The following TNXB variants were observed in gnomAD, a reference collection of about 807,000 sequenced individuals.
The protein encoded by TNXB is tenascin XB.
A neutral mutation model predicts 340.5 loss-of-function variants in TNXB; 183 were observed. That is an observed-to-expected ratio of 0.54 (90% CI 0.48 to 0.61). The LOEUF is 0.61. TNXB is among the 20% of genes least tolerant of loss of function. TNXB has a pLI of 0.00. For missense variants in TNXB, 4,613 were observed against 5,446.4 expected, an observed-to-expected ratio of 0.85 and a Z score of 4.82; for synonymous variants, 2,121 against 2,314.5, an observed-to-expected ratio of 0.92 and a Z score of 2.40.
rs201624002 is a variant in TNXB, at chr6:32,084,405, T to C, written c.3445+8A>G. The C allele has an allele frequency of 2.6e-3, 4,064 of 1,578,870 alleles. 21 individuals carry two copies. Among genetic ancestry groups the C allele is most frequent in the Non-Finnish European group, 2.4e-3 (2,809 of 1,158,848 alleles). On this transcript the variant is annotated splice_region_variant and intron_variant, in intron 8 of 43. Transcript: ENST00000644971. The surrounding 1 kb of genome is among the most constrained non-coding windows in gnomAD (Gnocchi z 5.5). ...TACAGAGGGCAGGGTGTTACTGCTG[T>C]CACTCACAGATCTTGGCTTCAGCCA...
chr6:32,077,493 T>C (rs1779142661), intron 11 of TNXB, among the ~76,000 whole-genome samples: 1 of 152,258 alleles, frequency 6.6e-6, no homozygotes, highest in Non-Finnish European at 1.5e-5. Context: ...GAAAGGTGTG[T>C]CTTTGTTTCT....
rs748032783 is a variant in TNXB, at chr6:32,086,057, C to T, written c.2841G>A (p.Thr947=). ...GGAGAGGAGCCTGGGCCCCTTGCGT[C>T]GTCGAGGGGCCTGAGGGAGGAGGCT... ...TDEPPPSGPS[T]TQGAQAPLLQ... Residue 947 remains threonine (T), a synonymous_variant, in exon 7 of 44, where the codon ACG becomes ACA. Coordinates refer to ENST00000644971, the MANE Select transcript of TNXB (RefSeq NM_001365276.2). 17 of 1,592,858 alleles carry T rather than the reference C, an allele frequency of 1.1e-5. No individual in the cohort carries two copies. The highest frequency in any genetic ancestry group is 9.0e-5 in the East Asian group (4 of 44,310).
Position 32,068,361 on chromosome 6 carries a change from C to T in TNXB, c.6220+29G>A. The T allele has an allele frequency of 2.5e-6, 4 of 1,608,766 alleles. No individual in the cohort carries two copies. Among genetic ancestry groups the T allele is most frequent in the Non-Finnish European group, 3.4e-6 (4 of 1,176,604 alleles). On this transcript the variant is annotated intron_variant, in intron 17 of 43. Coordinates refer to ENST00000644971, the MANE Select transcript of TNXB (RefSeq NM_001365276.2). This position sits in a 1 kb window ranked among gnomAD's most constrained non-coding sequence, Gnocchi z 5.3. ...CAAGAGGGTGACCCTCCCATGGCTC[C>T]CACCCTGGGGCTCCCATCATCCACT...
At chr6:32,057,196 G>A (rs1471994780) in intron 22 of TNXB, among the ~76,000 whole-genome samples, 2 of 151,746 alleles carry the variant, frequency 1.3e-5, no homozygotes, top group Non-Finnish European at 2.9e-5. Context: ...CTGCACCCCT[G>A]GCCTCCCAGC....
chr6:32,044,837 GCAGC>G (rs1249574707), intron 32 of TNXB, 121 bp from the exon 33 acceptor site: 1 of 674,898 alleles, frequency 1.5e-6, no homozygotes, highest in African/African-American at 2.0e-5. Context: ...CCAGGGACTT[GCAGC>G]CACAGGGGGG....
chr6:32,049,184 G>T lies in TNXB; in HGVS notation c.9757+86C>A. On this transcript the variant is annotated intron_variant, in intron 28 of 43. Transcript: ENST00000644971. The surrounding 1 kb of genome is among the most constrained non-coding windows in gnomAD (Gnocchi z 4.5). ...GAAAAGACAGAAACCTAGAGGCCCA[G>T]TCAAAAGAGGTGCCAAGATCCAAAG... 6.8e-7 allele frequency: 1 copy of T among 1,471,774 alleles called. No homozygotes were observed. Among genetic ancestry groups the T allele is most frequent in the Non-Finnish European group, 9.0e-7 (1 of 1,108,378 alleles). The allele number at this position is 1,471,774 out of a possible 1,614,324, so 91.2% of individuals were successfully genotyped here. A position where few individuals can be genotyped will look rare whatever the true frequency, so the allele number is the denominator to read the frequency against.
At position 32,068,699 on chromosome 6, in the gene TNXB, C is replaced by T. The variant is rs1388279498; in HGVS notation, c.5911G>A (p.Glu1971Lys). 1.2e-6 allele frequency: 2 copies of T among 1,613,324 alleles called. No homozygotes were observed. The highest frequency in any genetic ancestry group is 1.7e-6 in the Non-Finnish European group (2 of 1,179,456). Reference sequence around the variant, plus strand: ...GTGGGAGGTTCTGAAGGCTTCTCCTCCTCCGGGACTGGACAGAGACATGGA... The same window carrying T: ...GTGGGAGGTTCTGAAGGCTTCTCCTTCTCCGGGACTGGACAGAGACATGGA... The part of the protein sequence containing the change: ...VHVEALTVPE[E>K]EKPSEPPTAT... Residue 1971 changes from glutamate (E) to lysine (K), a missense_variant, in exon 17 of 44, where the codon GAG becomes AAG. Coordinates refer to ENST00000644971, the MANE Select transcript of TNXB (RefSeq NM_001365276.2). The surrounding 1 kb of genome is among the most constrained non-coding windows in gnomAD (Gnocchi z 5.3).
intron 18 of TNXB, among the ~76,000 whole-genome samples, chr6:32,066,399 AAATCAATC>A (rs146024056): frequency 7.9e-5 from 12 of 152,074 alleles, no homozygotes; most frequent in East Asian, 1.9e-4. Flanking sequence ...GTCTCAAAAA[AAATCAATC>A]AATCAATCAA....
At chr6:32,063,222 T>C (rs1179886505) in intron 19 of TNXB, among the ~76,000 whole-genome samples, 1 of 151,826 alleles carries the variant, frequency 6.6e-6, no homozygotes, top group African/African-American at 2.4e-5. Context: ...ATCCTGTCTG[T>C]ACTAAAAATA....
At chr6:32,094,343 C>CT (rs1415593722) in intron 4 of TNXB, among the ~76,000 whole-genome samples, 1 of 151,510 alleles carries the variant, frequency 6.6e-6, no homozygotes, top group Non-Finnish European at 1.5e-5. Context: ...TTCCTTCCAT[C>CT]TTTTTTCCCT....
In TNXB at chr6:32,082,195, A is replaced by G; in HGVS notation, c.3577T>C (p.Tyr1193His). ...EGQFDTFMVQ[Y>H]RDRDGRPQVV... is the part of the protein sequence containing the mutation. Reference sequence around the variant, plus strand: ...TGGGGCCGTCCATCCCTGTCCCTGTACTGGACCATGAAGGTGTCAAACTGG... The same window carrying G: ...TGGGGCCGTCCATCCCTGTCCCTGTGCTGGACCATGAAGGTGTCAAACTGG... The change falls in exon 9 of 44, where the codon TAC becomes CAC. Residue 1193 changes from tyrosine to histidine, a missense_variant. Physicochemically the swap from Tyr to His is moderately conservative, Grantham distance 83. Around this residue, in one of 7 missense-constraint regions of TNXB, gnomAD observed 4,327 missense variants for 4,859.4 expected, o/e 0.89. Transcript: ENST00000644971. The surrounding 1 kb of genome is among the most constrained non-coding windows in gnomAD (Gnocchi z 5.0). The G allele has an allele frequency of 6.2e-7, 1 of 1,612,516 alleles. No individual in the cohort carries two copies.
In TNXB at chr6:32,079,138, C is replaced by T. The variant is rs747190024; in HGVS notation, c.4270G>A (p.Glu1424Lys). 6.2e-7 allele frequency: 1 copy of T among 1,613,860 alleles called. No homozygotes were observed. ...GGCTCTAGGCCTCCCACGGTGACCT[C>T]ACTCTCCTTGCCCCCAACACGCACC... ...RAVRVGGKES[E>K]VTVGGLEPGH... is the part of the protein sequence containing the mutation. Residue 1424 changes from glutamate (E) to lysine (K), a missense_variant, in exon 11 of 44, where the codon GAG becomes AAG. By Grantham distance (56) the Glu-to-Lys change is moderately conservative (BLOSUM62 1). Transcript: ENST00000644971. This position sits in a 1 kb window ranked among gnomAD's most constrained non-coding sequence, Gnocchi z 7.1.
chr6:32,096,987 C>A lies in TNXB; in HGVS notation c.866G>T (p.Arg289Leu), dbSNP rs1478555641. The stretch of plus-strand genomic sequence containing the variant: ...ACACACGCAGCGCCCATTCTCACAG[C>A]GCCCCCTCTGACTGCAACCGCGAGG... ...SCPRGCSQRGRCENGRCVCNP... is the reference protein window; with the variant it reads ...SCPRGCSQRGLCENGRCVCNP... Residue 289 changes from arginine (R) to leucine (L), a missense_variant, in exon 3 of 44, where the codon CGC (arginine) becomes CTC (leucine). Arg to Leu is a moderately radical substitution (Grantham distance 102). Transcript: ENST00000644971. The A allele has an allele frequency of 6.2e-7, 1 of 1,613,300 alleles. No homozygotes were observed. The highest frequency in any genetic ancestry group is 8.5e-7 in the Non-Finnish European group (1 of 1,179,528).
chr6:32,073,779 C>T lies in TNXB; in HGVS notation c.4549G>A (p.Val1517Met), dbSNP rs1778914982. 3.1e-6 allele frequency: 5 copies of T among 1,612,344 alleles called. No homozygotes were observed. Among genetic ancestry groups the T allele is most frequent in the Non-Finnish European group, 3.4e-6 (4 of 1,179,230 alleles). ...CGCTGGTCTGCCGCCACCGGCACCACCTGGGGCTGCCCGTCCTTGTCCTTG... is the reference window on the plus strand; with the variant it reads ...CGCTGGTCTGCCGCCACCGGCACCATCTGGGGCTGCCCGTCCTTGTCCTTG... ...QYKDKDGQPQ[V>M]VPVAADQREV... The change falls in exon 12 of 44, where the codon GTG becomes ATG. Residue 1517 changes from valine (V) to methionine (M), a missense_variant. This residue lies in a region of TNXB where 4,327 missense variants were observed against 4,859.4 expected (regional missense o/e 0.89). Transcript: ENST00000644971. This position sits in a 1 kb window ranked among gnomAD's most constrained non-coding sequence, Gnocchi z 4.6.
Position 32,049,655 on chromosome 6 carries a change from A to G in TNXB, c.9440-68T>C. ...TGGGTCCTGGGGAAAAGGAGGGAGA[A>G]GCCAAGGCTATGACTGGGGGACCTG... On this transcript the variant is annotated intron_variant, in intron 27 of 43. Transcript: ENST00000644971. This position sits in a 1 kb window ranked among gnomAD's most constrained non-coding sequence, Gnocchi z 4.5. 4 of 1,530,538 alleles carry G rather than the reference A, an allele frequency of 2.6e-6. No homozygotes were observed. The South Asian group carries it at 4.9e-5, about 19-fold the overall frequency. 94.8% of individuals were successfully genotyped at this position (1,530,538 alleles called of 1,614,324 possible).
chr6:32,046,069 GC>G lies in TNXB; in HGVS notation c.10606+105del, dbSNP rs1441678953. ...CTCCTTCCTGGGGACAGGCCAGGGC[GC>G]CCCACTCCGGCCTGCCCACTCCTGC... On this transcript the variant is annotated intron_variant, in intron 31 of 43. Transcript: ENST00000644971. This position sits in a 1 kb window ranked among gnomAD's most constrained non-coding sequence, Gnocchi z 6.9. The G allele has an allele frequency of 5.4e-6, 8 of 1,482,606 alleles. No individual in the cohort carries two copies. The African/African-American group carries it at 1.1e-4, about 21-fold the overall frequency. The allele number at this position is 1,482,606 out of a possible 1,614,324, so 91.8% of individuals were successfully genotyped here. A position where few individuals can be genotyped will look rare whatever the true frequency, so the allele number is the denominator to read the frequency against.
At position 32,050,265 on chromosome 6, in the gene TNXB, G is replaced by T. The variant is rs572382833; in HGVS notation, c.9172C>A (p.Pro3058Thr). The T allele has an allele frequency of 8.1e-6, 13 of 1,613,510 alleles. No individual in the cohort carries two copies. The Admixed American group carries it at 1.5e-4, about 19-fold the overall frequency. The change falls in exon 27 of 44, where the codon CCC becomes ACC. Residue 3058 changes from proline to threonine, a missense_variant. Transcript: ENST00000644971. The stretch of plus-strand genomic sequence containing the variant: ...AGCTCCCCCAGGCGAGGCTTGATGG[G>T]GGGCTCAGGGGTCATGGTAGGCACT... ...QAVPTMTPEP[P>T]IKPRLGELTV...
chr6:32,095,989 G>C lies in TNXB; in HGVS notation c.1864C>G (p.Pro622Ala), dbSNP rs773223609. ...CGGCCCCTCCCGTGGCAGTTGGAGGGGCAGGTGCGGATGCTGCAGTCCTCA... is the reference window on the plus strand; with the variant it reads ...CGGCCCCTCCCGTGGCAGTTGGAGGCGCAGGTGCGGATGCTGCAGTCCTCA... ...VSEDCSIRTC[P>A]SNCHGRGRCE... is the part of the protein sequence containing the mutation. Residue 622 changes from proline to alanine, a missense_variant, in exon 3 of 44, where the codon CCC (proline) becomes GCC (alanine). Pro to Ala is a conservative substitution (Grantham distance 27). Transcript: ENST00000644971. 3 of 1,612,990 alleles carry C rather than the reference G, an allele frequency of 1.9e-6. No homozygotes were observed. In the South Asian group the frequency reaches 3.3e-5, roughly 18 times the overall value.
rs536226559 is a variant in TNXB at position 32,058,323 on chromosome 6, G to C, written c.7560C>G (p.Pro2520=). ...TCAGCTCCCCCAGGAGAGGCTCCTC[G>C]GGGGGCCCTGGGGCCTCTGTGCCTG... is the stretch of plus-strand genomic sequence containing the variant. ...TEPGTEAPGP[P]EEPLLGELTV... The change falls in exon 22 of 44, where the codon CCC becomes CCG. Residue 2520 remains proline, a synonymous_variant. Transcript: ENST00000644971. The surrounding 1 kb of genome is among the most constrained non-coding windows in gnomAD (Gnocchi z 5.1). 18 of 1,610,716 alleles carry C rather than the reference G, an allele frequency of 1.1e-5. No individual in the cohort carries two copies. The highest frequency in any genetic ancestry group is 1.4e-5 in the Non-Finnish European group (17 of 1,179,388).
Sources: gnomAD v4.1 joint callset for allele counts (sites outside exome capture counted in the v4.1 genomes callset) on GRCh38, gnomAD v4.1.1 for gene constraint, gnomAD v4.1.1 regional missense constraint, Gnocchi (gnomAD v3.1) non-coding constraint, MANE v1.5 for transcripts, NCBI Gene and HGNC (gene_info 2026-07-23, HGNC 2026-07-21) for gene names.